The following MEIS1 variants were observed in gnomAD, a reference collection of about 807,000 sequenced individuals.
MEIS1 encodes homeobox protein Meis1.
In MEIS1, 5 loss-of-function variants were observed where a neutral mutation model predicts 50.8. The ratio of observed to expected loss-of-function variants is 0.10; its 90% CI spans 0.05 to 0.21. MEIS1 has a LOEUF of 0.21. MEIS1 is among the 10% of genes least tolerant of loss of function. The probability of loss-of-function intolerance (pLI) is 1.00; values close to 1 mark genes in which losing one functional copy is unlikely to be tolerated. For synonymous variants in MEIS1, 176 were observed against 179.3 expected (o/e 0.98, Z 0.15); for missense variants, 318 against 517.3 (o/e 0.61, Z 3.74).
chr2:66,532,374 G>A (rs1674413950), intron 8 of MEIS1, among the ~76,000 whole-genome samples: 3 of 146,814 alleles, frequency 2.0e-5, no homozygotes, highest in Admixed American at 7.0e-5. Context: ...TATTTCCACA[G>A]CCAGCACTTT....
intron 6 of MEIS1, among the ~76,000 whole-genome samples, chr2:66,458,937 A>G (rs947166388): frequency 1.1e-4 from 17 of 152,238 alleles, no homozygotes; most frequent in Non-Finnish European, 2.4e-4. Flanking sequence ...CTAATATAAT[A>G]TCAACATTTT....
At chr2:66,483,534 C>T (rs1673069357) in intron 7 of MEIS1, among the ~76,000 whole-genome samples, 1 of 152,162 alleles carries the variant, frequency 6.6e-6, no homozygotes, top group South Asian at 2.1e-4. Flanking sequence ...AAGATTTTCA[C>T]TCTTATAGGA....
At chr2:66,516,608 G>T (rs998667218) in intron 8 of MEIS1, among the ~76,000 whole-genome samples, 1 of 150,420 alleles carries the variant, frequency 6.6e-6, no homozygotes, top group South Asian at 2.1e-4. Flanking sequence ...TGTGTGTGCG[G>T]CCAAATTTAT....
chr2:66,567,230 A>C (rs1675370235), intron 9 of MEIS1, among the ~76,000 whole-genome samples: 1 of 152,160 alleles, frequency 6.6e-6, no homozygotes, highest in Admixed American at 6.5e-5. Flanking sequence ...AAAACAGGCA[A>C]ACATAAATCA....
intron 9 of MEIS1, 94 bp from the exon 10 acceptor site, chr2:66,567,359 A>G (rs573541603): frequency 1.5e-6 from 2 of 1,337,294 alleles, no homozygotes; most frequent in East Asian, 2.5e-5. Context: ...GCCAAGATCT[A>G]GTTTTACTCC....
chr2:66,571,814 A>T lies in MEIS1; in HGVS notation c.*606A>T, dbSNP rs1231743364. 2.8e-6 allele frequency: 1 copy of T among 359,208 alleles called. No individual in the cohort carries two copies. Among genetic ancestry groups the T allele is most frequent in the South Asian group, 3.2e-5 (1 of 30,898 alleles). The allele number at this position is 359,208 out of a possible 1,614,324, so 22.3% of individuals were successfully genotyped here. On this transcript the variant is annotated 3_prime_UTR_variant, in exon 13 of 13. Coordinates refer to ENST00000272369, the MANE Select transcript of MEIS1 (RefSeq NM_002398.3). ...ATAGATTTTTTAAAAAAAATGTGAA[A>T]TTTTTCCACACTATGTGTGTTGTTT...
intron 8 of MEIS1, among the ~76,000 whole-genome samples, chr2:66,519,237 A>G (rs1459182510): frequency 6.6e-6 from 1 of 152,046 alleles, no homozygotes; most frequent in African/African-American, 2.4e-5. Flanking sequence ...CTCACAAAAC[A>G]CTCTGGGCCA....
At chr2:66,449,833 A>G (rs1372190031) in intron 6 of MEIS1, among the ~76,000 whole-genome samples, 1 of 152,168 alleles carries the variant, frequency 6.6e-6, no homozygotes, top group African/African-American at 2.4e-5. Context: ...AAGAGTGCAA[A>G]TATTTTCCAA....
rs1274244627 is a variant in MEIS1, at chr2:66,438,100, T to C, written c.239+137T>C. On this transcript the variant is annotated intron_variant, in intron 2 of 12. Transcript: ENST00000272369. The stretch of plus-strand genomic sequence containing the variant: ...TGACTTTTCATTCACATTTCATGGA[T>C]AATTTGGGGAGGTGGCCTGCCATCC... 3.6e-6 allele frequency: 3 copies of C among 836,470 alleles called. No homozygotes were observed. In the Admixed American group the frequency reaches 8.4e-5, roughly 23 times the overall value. 51.8% of individuals were successfully genotyped at this position (836,470 alleles called of 1,614,324 possible). A position where few individuals can be genotyped will look rare whatever the true frequency, so the allele number is the denominator to read the frequency against.
At chr2:66,439,254 C>T in intron 2 of MEIS1, 1 of 1,044,060 alleles carries the variant, frequency 9.6e-7, no homozygotes, top group Non-Finnish European at 1.2e-6. Context: ...GGGGAATGTG[C>T]GTGGAGCTGA....
At chr2:66,558,332 A>G (rs1025953912) in intron 9 of MEIS1, among the ~76,000 whole-genome samples, 6 of 151,262 alleles carry the variant, frequency 4.0e-5, no homozygotes, top group Non-Finnish European at 5.9e-5. Flanking sequence ...AAGAAAAAGG[A>G]TAGTCACACT....
chr2:66,441,081 A>G, intron 4 of MEIS1: 1 of 351,634 alleles, frequency 2.8e-6, no homozygotes, highest in Non-Finnish European at 5.0e-6. Flanking sequence ...TTTTCTGTCC[A>G]CTCCTTCCAA....
chr2:66,440,754 A>C, intron 4 of MEIS1, 142 bp downstream of exon 4: 4 of 614,006 alleles, frequency 6.5e-6, no homozygotes, highest in Non-Finnish European at 1.2e-5. Flanking sequence ...GTTTCTGTAC[A>C]CGGACAACTG....
intron 9 of MEIS1, among the ~76,000 whole-genome samples, chr2:66,556,135 A>G (rs957840534): frequency 2.6e-5 from 4 of 152,230 alleles, no homozygotes; most frequent in African/African-American, 9.6e-5. Context: ...TGCCCTCATA[A>G]ATCATTAATA....
intron 9 of MEIS1, among the ~76,000 whole-genome samples, chr2:66,553,271 G>A (rs1674967157): frequency 6.6e-6 from 1 of 152,146 alleles, no homozygotes; most frequent in Non-Finnish European, 1.5e-5. Flanking sequence ...ATTGATCAAT[G>A]GAGTAACAGG....
intron 8 of MEIS1, among the ~76,000 whole-genome samples, chr2:66,531,645 C>A (rs959558929): frequency 6.6e-6 from 1 of 152,182 alleles, no homozygotes; most frequent in Non-Finnish European, 1.5e-5. Flanking sequence ...AGGGTCATTT[C>A]TAGGACAGAT....
At chr2:66,528,940 A>G (rs1674323915) in intron 8 of MEIS1, among the ~76,000 whole-genome samples, 2 of 152,290 alleles carry the variant, frequency 1.3e-5, no homozygotes, top group South Asian at 2.1e-4. Context: ...GCTGCAGCCA[A>G]GCTGAGGGCT....
intron 8 of MEIS1, among the ~76,000 whole-genome samples, chr2:66,547,125 G>A (rs1428954304): frequency 6.6e-6 from 1 of 152,138 alleles, no homozygotes; most frequent in Non-Finnish European, 1.5e-5. Flanking sequence ...TTAGAAATAT[G>A]TATTTCAAAT....
intron 8 of MEIS1, among the ~76,000 whole-genome samples, chr2:66,542,787 T>C (rs1314661288): frequency 6.6e-6 from 1 of 152,176 alleles, no homozygotes; most frequent in African/African-American, 2.4e-5. Flanking sequence ...GGGGATGTTA[T>C]TGAAACTTGG....
Sources: allele counts gnomAD v4.1 joint callset (sites outside exome capture counted in the v4.1 genomes callset), GRCh38; gene constraint gnomAD v4.1.1; transcripts MANE v1.5; gene names NCBI Gene and HGNC (gene_info 2026-07-23, HGNC 2026-07-21).